The following CCDC144A variants were observed in gnomAD, a reference collection of about 807,000 sequenced individuals.
The protein encoded by CCDC144A is coiled-coil domain-containing protein 144A.
A neutral mutation model predicts 143.8 loss-of-function variants in CCDC144A; 41 were observed. The ratio of observed to expected loss-of-function variants is 0.29; its 90% CI spans 0.22 to 0.37. CCDC144A has a LOEUF of 0.37. Among genes scored for constraint, CCDC144A ranks in the 10% least tolerant of loss-of-function variants. The pLI is 1.00. For synonymous variants in CCDC144A, 242 were observed against 517.9 expected, an observed-to-expected ratio of 0.47 and a Z score of 7.23; for missense variants, 637 against 1,488.8, an observed-to-expected ratio of 0.43 and a Z score of 9.41.
At chr17:16,747,880 G>C (rs1914610641) in intron 12 of CCDC144A, among the ~76,000 whole-genome samples, 1 of 152,076 alleles carries the variant, frequency 6.6e-6, no homozygotes, top group African/African-American at 2.4e-5. Context: ...GAGATAGTTT[G>C]GCTTCTTTTC....
intron 5 of CCDC144A, chr17:16,710,339 C>T (rs950484622): frequency 4.3e-4 from 60 of 138,054 alleles, no homozygotes; most frequent in African/African-American, 1.6e-3. Flanking sequence ...CCAGCCTGGG[C>T]AACGTAGTGA....
chr17:16,753,006 A>G (rs1445560576), intron 12 of CCDC144A, among the ~76,000 whole-genome samples: 7 of 113,712 alleles, frequency 6.2e-5, no homozygotes, highest in African/African-American at 2.0e-4. Context: ...AGTATCCCAG[A>G]GTTCGTTGGT....
intron 12 of CCDC144A, among the ~76,000 whole-genome samples, chr17:16,758,306 A>G (rs1915194293): frequency 1.3e-5 from 2 of 152,214 alleles, no homozygotes; most frequent in South Asian, 4.1e-4. Flanking sequence ...ACCTCCCATC[A>G]CACACACACA....
intron 5 of CCDC144A, 24 bp from the exon 6 acceptor site, chr17:16,711,655 C>CTGAA (rs778668875): frequency 6.2e-7 from 1 of 1,609,916 alleles, no homozygotes; most frequent in East Asian, 2.2e-5. Context: ...AACAATCATC[C>CTGAA]TGAACATCAA....
upstream of CCDC144A, among the ~76,000 whole-genome samples, chr17:16,688,484 G>GTTTTTTTTTTTTTT (rs66493875): frequency 4.2e-5 from 3 of 71,624 alleles, no homozygotes; most frequent in African/African-American, 1.1e-4. Flanking sequence ...TTCTTTTTCT[G>GTTTTTTTTTTTTTT]TTTTTTTTTT....
At chr17:16,691,415 T>C (rs377101845) in intron 1 of CCDC144A, among the ~76,000 whole-genome samples, 67 of 152,206 alleles carry the variant, frequency 4.4e-4, no homozygotes, top group African/African-American at 1.4e-3. Context: ...AGTATGTTAG[T>C]TGGATTTAAC....
intron 12 of CCDC144A, among the ~76,000 whole-genome samples, chr17:16,744,511 G>T (rs1180966785): frequency 1.3e-5 from 2 of 152,032 alleles, no homozygotes; most frequent in East Asian, 1.9e-4. Context: ...TGTCTTTTTT[G>T]GAGAAGTGTC....
At position 16,724,787 on chromosome 17, in the gene CCDC144A, ATTTTTTTTTTTTT is replaced by A. The variant is rs760344292; in HGVS notation, c.1892-2716_1892-2704del. ...AGATTACACGTTCTTGATTAACTGA[ATTTTTTTTTTTTT>A]TTTTTTTTTTTTTTTTTTTTTTTGG... is the stretch of plus-strand genomic sequence containing the variant. On this transcript the variant is annotated intron_variant, in intron 8 of 16. Transcript: ENST00000399273. Among the ~76,000 whole-genome samples the A allele has an allele frequency of 1.3e-3, 46 of 35,108 alleles. No homozygotes were observed. The East Asian group carries it at 0.021, about 16-fold the overall frequency. 23.0% of individuals were successfully genotyped at this position (35,108 alleles called of 152,430 possible).
chr17:16,739,767 C>T (rs868826774), intron 12 of CCDC144A, among the ~76,000 whole-genome samples: 11 of 152,076 alleles, frequency 7.2e-5, no homozygotes, highest in Admixed American at 4.6e-4. Context: ...TGAGCTATGT[C>T]TATCCTTATG....
At chr17:16,687,904 G>T (rs1460369852), upstream of CCDC144A, among the ~76,000 whole-genome samples, 2 of 149,986 alleles carry the variant, frequency 1.3e-5, no homozygotes, top group African/African-American at 4.9e-5. Context: ...TTTTTTTTTA[G>T]CACACTAACT....
chr17:16,690,454 G>A lies in CCDC144A; in HGVS notation c.54G>A (p.Pro18=), dbSNP rs772302260. The change falls in exon 1 of 17, where the codon CCG becomes CCA. Residue 18 remains proline (P), a synonymous_variant. Coordinates refer to ENST00000399273, the MANE Select transcript of CCDC144A (RefSeq NM_001382000.1). ...GAGGGGCTGAGGGGTCTCCGAAGCC[G>A]GCAGTCTACGCCACGAGGAAGACCC... ...KRGGAEGSPK[P]AVYATRKTPS... The A allele has an allele frequency of 5.0e-6, 8 of 1,609,750 alleles. No homozygotes were observed. The South Asian group carries it at 6.6e-5, about 13-fold the overall frequency.
At chr17:16,723,699 T>C (rs550250096) in intron 8 of CCDC144A, among the ~76,000 whole-genome samples, 8 of 152,236 alleles carry the variant, frequency 5.3e-5, no homozygotes, top group African/African-American at 1.9e-4. Flanking sequence ...GGTCTATATA[T>C]ATAAGGGCAC....
chr17:16,719,692 T>A (rs1310404935), intron 6 of CCDC144A, among the ~76,000 whole-genome samples: 2 of 151,898 alleles, frequency 1.3e-5, no homozygotes, highest in South Asian at 2.1e-4. Context: ...GTTTGACACA[T>A]GGACAGTGCT....
intron 2 of CCDC144A, among the ~76,000 whole-genome samples, chr17:16,701,147 G>A (rs543621011): frequency 6.6e-6 from 1 of 151,810 alleles, no homozygotes; most frequent in African/African-American, 2.4e-5. Flanking sequence ...TTATAATTTA[G>A]GGTAATAGCA....
chr17:16,700,586 A>G lies in CCDC144A; in HGVS notation c.416-4565A>G, dbSNP rs1210912767. 5.9e-5 allele frequency among the ~76,000 whole-genome samples: 9 copies of G among 152,318 alleles called. No individual in the cohort carries two copies. The East Asian group carries it at 1.5e-3, about 26-fold the overall frequency. Reference sequence around the variant, plus strand: ...TAAGGATGGGTGTCTCATGCCTGCTATATGAAATCTTTGCTGCCCAGCAGC... The same window carrying G: ...TAAGGATGGGTGTCTCATGCCTGCTGTATGAAATCTTTGCTGCCCAGCAGC... On this transcript the variant is annotated intron_variant, in intron 2 of 16. Transcript: ENST00000399273.
At chr17:16,669,451 G>A in the CCDC144A span, among the ~76,000 whole-genome samples, 4 of 152,196 alleles carry the variant, frequency 2.6e-5, no homozygotes, top group Middle Eastern at 3.4e-3. Context: ...CTTGTCTAAC[G>A]GCAAGTCTGA....
chr17:16,741,581 T>C (rs1016430695), intron 12 of CCDC144A, among the ~76,000 whole-genome samples: 2 of 152,212 alleles, frequency 1.3e-5, no homozygotes, highest in African/African-American at 2.4e-5. Flanking sequence ...CCATAGTCTG[T>C]ATATAGGATG....
intron 6 of CCDC144A, among the ~76,000 whole-genome samples, chr17:16,713,559 T>A (rs1213417756): frequency 6.6e-6 from 1 of 152,226 alleles, no homozygotes; most frequent in East Asian, 1.9e-4. Flanking sequence ...AATTAGATGA[T>A]TTTTATCAAG....
At position 16,712,047 on chromosome 17, in the gene CCDC144A, T is replaced by C. The variant is rs142058317; in HGVS notation, c.1715+232T>C. 1.2e-3 allele frequency: 704 copies of C among 577,612 alleles called. 10 individuals carry two copies. The African/African-American group carries it at 0.013, about 10-fold the overall frequency. 35.8% of individuals were successfully genotyped at this position (577,612 alleles called of 1,614,324 possible). ...CAGGAGGCTGAGGCAAGAGAATCAT[T>C]TGAACCTGGGAGGCGGGGGTTGTGG... On this transcript the variant is annotated intron_variant, in intron 6 of 16. Coordinates refer to ENST00000399273, the MANE Select transcript of CCDC144A (RefSeq NM_001382000.1).
Sources: gnomAD v4.1 joint callset for allele counts (sites outside exome capture counted in the v4.1 genomes callset) on GRCh38, gnomAD v4.1.1 for gene constraint, MANE v1.5 for transcripts, NCBI Gene and HGNC (gene_info 2026-07-23, HGNC 2026-07-21) for gene names.